The following CTSO variants were observed in gnomAD, a reference collection of about 807,000 sequenced individuals.
CTSO encodes cathepsin O.
In CTSO, 40 loss-of-function variants were observed where a neutral mutation model predicts 42.4. The observed-to-expected ratio is 0.94, with a 90% CI of 0.73 to 1.23. The LOEUF (loss-of-function observed/expected upper bound fraction) is 1.23, where lower values mean the gene tolerates loss of function less well. Ranked by LOEUF, CTSO falls within the 50% of genes most tolerant of loss-of-function variation. The pLI is 0.00. For synonymous variants in CTSO, 156 were observed against 146.2 expected (o/e 1.07, Z -0.48); for missense variants, 441 against 396.0 (o/e 1.11, Z -0.96).
chr4:155,943,301 G>A (rs1170171844), intron 1 of CTSO, 37 bp from the exon 2 acceptor site: 1 of 1,309,804 alleles, frequency 7.6e-7, no homozygotes, highest in South Asian at 1.2e-5. Context: ...TATCCACTAT[G>A]TCAGTTTTCC....
chr4:155,933,248 G>C (rs1335530214), intron 5 of CTSO, among the ~76,000 whole-genome samples: 1 of 152,130 alleles, frequency 6.6e-6, no homozygotes, highest in Non-Finnish European at 1.5e-5. Flanking sequence ...CATGAGATCT[G>C]ATGATTTTAT....
intron 1 of CTSO, among the ~76,000 whole-genome samples, chr4:155,947,087 C>G (rs1743561626): frequency 6.6e-6 from 1 of 152,140 alleles, no homozygotes; most frequent in Non-Finnish European, 1.5e-5. Context: ...GTCTCAATCT[C>G]CTGACCTCGT....
At chr4:155,933,503 G>C (rs1743271663) in intron 5 of CTSO, among the ~76,000 whole-genome samples, 1 of 152,168 alleles carries the variant, frequency 6.6e-6, no homozygotes, top group South Asian at 2.1e-4. Flanking sequence ...AAGTGACTTT[G>C]GAACTGGGTA....
Position 155,953,784 on chromosome 4 carries a change from C to T in CTSO, c.64G>A (p.Asp22Asn), listed in dbSNP as rs1172590057. The T allele has an allele frequency of 2.2e-6, 3 of 1,339,970 alleles. No homozygotes were observed. Among genetic ancestry groups the T allele is most frequent in the African/African-American group, 1.5e-5 (1 of 66,232 alleles). The allele number at this position is 1,339,970 out of a possible 1,614,324, so 83.0% of individuals were successfully genotyped here. A position where few individuals can be genotyped will look rare whatever the true frequency, so the allele number is the denominator to read the frequency against. ...GTGAAGGGGGCGCGGGAGTCCGCAT[C>T]GCCGCCGCCCCGGCACAGCAGCCAC... ...LLWLLCRGGGDADSRAPFTPT... is the reference protein window; with the variant it reads ...LLWLLCRGGGNADSRAPFTPT... The change falls in exon 1 of 8, where the codon GAT becomes AAT. Residue 22 changes from aspartate to asparagine, a missense_variant. Asp to Asn is a conservative substitution (Grantham distance 23). Coordinates refer to ENST00000433477, the MANE Select transcript of CTSO (RefSeq NM_001334.3).
intron 4 of CTSO, among the ~76,000 whole-genome samples, chr4:155,937,778 C>T (rs1743358181): frequency 1.3e-5 from 2 of 151,944 alleles, no homozygotes; most frequent in African/African-American, 4.8e-5. Flanking sequence ...CCACGCCAGG[C>T]TAATTTTTTG....
chr4:155,952,726 C>G (rs1028662151), intron 1 of CTSO, among the ~76,000 whole-genome samples: 1 of 152,022 alleles, frequency 6.6e-6, no homozygotes, highest in Non-Finnish European at 1.5e-5. Context: ...CCAGGAGAGT[C>G]GGGGGAAAAG....
At chr4:155,934,822 G>T (rs144555917) in intron 5 of CTSO, among the ~76,000 whole-genome samples, 183 of 152,268 alleles carry the variant, frequency 1.2e-3, no homozygotes, top group Non-Finnish European at 2.3e-3. Context: ...GATTTTACAG[G>T]CTCATAGGCG....
chr4:155,944,570 T>C (rs1453948639), intron 1 of CTSO, among the ~76,000 whole-genome samples: 6 of 152,168 alleles, frequency 3.9e-5, no homozygotes, highest in African/African-American at 1.4e-4. Context: ...TGTAGGATGT[T>C]AAGAATGCAC....
At position 155,929,622 on chromosome 4, in the gene CTSO, T is replaced by A; in HGVS notation, c.758A>T (p.Tyr253Phe). Residue 253 changes from tyrosine (Y) to phenylalanine (F), a missense_variant, in exon 6 of 8, where the codon TAT becomes TTT. By Grantham distance (22) the Tyr-to-Phe change is conservative (BLOSUM62 3). Coordinates refer to ENST00000433477, the MANE Select transcript of CTSO (RefSeq NM_001334.3). ...VIVDAVSWQD[Y>F]LGGIIQHHCS... ...GTGATGCTGTATAATGCCTCCCAGA[T>A]AATCTTGCCAGCTCACTGCATCTAC... 3 of 1,613,912 alleles carry A rather than the reference T, an allele frequency of 1.9e-6. No homozygotes were observed. The highest frequency in any genetic ancestry group is 2.5e-6 in the Non-Finnish European group (3 of 1,179,956).
chr4:155,940,913 G>A, intron 3 of CTSO, among the ~76,000 whole-genome samples: 1 of 130,712 alleles, frequency 7.7e-6, no homozygotes, highest in South Asian at 2.7e-4. Context: ...CAAGCCACAA[G>A]GGCAGTTCCT....
intron 6 of CTSO, among the ~76,000 whole-genome samples, chr4:155,928,901 C>T (rs780025568): frequency 3.3e-5 from 5 of 152,136 alleles, no homozygotes; most frequent in Admixed American, 6.5e-5. Context: ...CCCCCAAATC[C>T]GGCCATAAAC....
rs1415325239 is a variant in CTSO at position 155,925,308 on chromosome 4, G to A, written c.*728C>T. ...ATAAAAAGAACAAAGTAAGCAATAT[G>A]ATCTATTGGATTCCTATTCACAATG... On this transcript the variant is annotated 3_prime_UTR_variant, in exon 8 of 8. Coordinates refer to ENST00000433477, the MANE Select transcript of CTSO (RefSeq NM_001334.3). The A allele has an allele frequency of 6.6e-6, 1 of 152,122 alleles. No homozygotes were observed. Among genetic ancestry groups the A allele is most frequent in the Non-Finnish European group, 1.5e-5 (1 of 68,022 alleles). 9.4% of individuals were successfully genotyped at this position (152,122 alleles called of 1,614,324 possible). A position where few individuals can be genotyped will look rare whatever the true frequency, so the allele number is the denominator to read the frequency against.
At chr4:155,927,580 T>G (rs941836915) in intron 7 of CTSO, among the ~76,000 whole-genome samples, 1 of 152,052 alleles carries the variant, frequency 6.6e-6, no homozygotes. Flanking sequence ...CCATCCTGGC[T>G]AACACGGTGA....
chr4:155,928,648 C>A (rs1433945901), intron 6 of CTSO, among the ~76,000 whole-genome samples: 1 of 152,144 alleles, frequency 6.6e-6, no homozygotes, highest in Non-Finnish European at 1.5e-5. Context: ...TGTTTGAATT[C>A]ACTTCCCTTT....
chr4:155,924,722 C>T lies in CTSO; in HGVS notation c.*1314G>A, dbSNP rs1458364566. On this transcript the variant is annotated 3_prime_UTR_variant, in exon 8 of 8. Coordinates refer to ENST00000433477, the MANE Select transcript of CTSO (RefSeq NM_001334.3). ...CAACTCCTTTGCTCTAAGGTTCTTACACTGCTAACAAGAAATGGCTTTTTT... is the reference window on the plus strand; with the variant it reads ...CAACTCCTTTGCTCTAAGGTTCTTATACTGCTAACAAGAAATGGCTTTTTT... 1 of 152,186 alleles carries T rather than the reference C, an allele frequency of 6.6e-6. No homozygotes were observed. Among genetic ancestry groups the T allele is most frequent in the Non-Finnish European group, 1.5e-5 (1 of 68,022 alleles). The allele number at this position is 152,186 out of a possible 1,614,324, so 9.4% of individuals were successfully genotyped here. A position where few individuals can be genotyped will look rare whatever the true frequency, so the allele number is the denominator to read the frequency against.
At chr4:155,941,633 T>C (rs1047187050) in intron 3 of CTSO, among the ~76,000 whole-genome samples, 3 of 152,252 alleles carry the variant, frequency 2.0e-5, no homozygotes, top group Non-Finnish European at 4.4e-5. Context: ...CATATGTCAT[T>C]GACTAAGCTC....
chr4:155,951,741 A>T (rs10024900), intron 1 of CTSO, among the ~76,000 whole-genome samples: 86,517 of 151,940 alleles, frequency 0.57, 26,011 homozygotes, highest in Middle Eastern at 0.76. Flanking sequence ...GATTTCAACA[A>T]GAAGTTTCAC....
At chr4:155,928,515 G>A in intron 6 of CTSO, 87 bp from the exon 7 acceptor site, 1 of 904,718 alleles carries the variant, frequency 1.1e-6, no homozygotes, top group South Asian at 1.6e-5. Context: ...TTGGATTCTT[G>A]CTAAGGATAG....
intron 5 of CTSO, among the ~76,000 whole-genome samples, chr4:155,932,773 T>C (rs1294237108): frequency 6.6e-6 from 1 of 152,174 alleles, no homozygotes; most frequent in Non-Finnish European, 1.5e-5. Context: ...CTGCCCCGGT[T>C]CTCTCATTTC....
Sources: gnomAD v4.1 joint callset for allele counts (sites outside exome capture counted in the v4.1 genomes callset) on GRCh38, gnomAD v4.1.1 for gene constraint, MANE v1.5 for transcripts, NCBI Gene and HGNC (gene_info 2026-07-23, HGNC 2026-07-21) for gene names.